MAN1A2: variants seen among roughly 807,000 people sequenced by gnomAD.
MAN1A2 encodes mannosidase alpha class 1A member 2.
In MAN1A2, 26 loss-of-function variants were observed where a neutral mutation model predicts 75.7. The observed-to-expected ratio is 0.34, with a 90% CI of 0.25 to 0.48. MAN1A2 has a LOEUF of 0.48. Among genes scored for constraint, MAN1A2 ranks in the 20% least tolerant of loss-of-function variants. The pLI is 0.99. For missense variants in MAN1A2, 562 were observed against 775.5 expected (o/e 0.72, Z 3.27); for synonymous variants, 247 against 264.6 (o/e 0.93, Z 0.65).
intron 5 of MAN1A2, among the ~76,000 whole-genome samples, chr1:117,441,041 A>T (rs1245784152): frequency 6.6e-6 from 1 of 152,210 alleles, no homozygotes; most frequent in African/African-American, 2.4e-5. Flanking sequence ...TAAAGTAGAT[A>T]TTGAAGGAAA....
chr1:117,498,162 G>A (rs566808779), intron 10 of MAN1A2, among the ~76,000 whole-genome samples: 4 of 151,848 alleles, frequency 2.6e-5, no homozygotes, highest in South Asian at 4.2e-4. Context: ...TAATGGCAGC[G>A]ATCTGAGTTC....
At chr1:117,379,730 A>G (rs372417171) in intron 1 of MAN1A2, among the ~76,000 whole-genome samples, 1 of 152,136 alleles carries the variant, frequency 6.6e-6, no homozygotes, top group African/African-American at 2.4e-5. Flanking sequence ...GTATCATGCA[A>G]TCTAAGACCT....
At position 117,525,449 on chromosome 1, in the gene MAN1A2, TCTTTA is replaced by T. The variant is rs756033884; in HGVS notation, c.*2497_*2501del. On this transcript the variant is annotated 3_prime_UTR_variant, in exon 13 of 13. Coordinates refer to ENST00000356554, the MANE Select transcript of MAN1A2 (RefSeq NM_006699.5). The stretch of plus-strand genomic sequence containing the variant: ...TATAATGCTTAGCTTCCAAGAATAT[TCTTTA>T]CTTTCTTCTGTCTTTTACAGCTCTT... The T allele has an allele frequency of 3.9e-5, 7 of 178,870 alleles. No individual in the cohort carries two copies. The highest frequency in any genetic ancestry group is 8.4e-5 in the Non-Finnish European group (7 of 82,848). The allele number at this position is 178,870 out of a possible 1,614,324, so 11.1% of individuals were successfully genotyped here.
intron 12 of MAN1A2, among the ~76,000 whole-genome samples, chr1:117,516,560 A>G (rs1468952576): frequency 1.3e-5 from 2 of 152,146 alleles, no homozygotes; most frequent in African/African-American, 2.4e-5. Flanking sequence ...TGCTTACTCT[A>G]AAGATGGAAC....
chr1:117,435,960 A>C (rs1460597036), intron 5 of MAN1A2, among the ~76,000 whole-genome samples: 3 of 152,242 alleles, frequency 2.0e-5, no homozygotes, highest in African/African-American at 7.2e-5. Flanking sequence ...CGGGAAGCTG[A>C]GGCAGGAGAA....
chr1:117,485,644 G>A (rs1012290088), intron 8 of MAN1A2, among the ~76,000 whole-genome samples: 4 of 151,900 alleles, frequency 2.6e-5, no homozygotes, highest in Non-Finnish European at 5.9e-5. Context: ...ATTCAAGGTC[G>A]TTATGTGGAA....
At chr1:117,432,457 A>T (rs967288812) in intron 5 of MAN1A2, among the ~76,000 whole-genome samples, 2 of 152,258 alleles carry the variant, frequency 1.3e-5, no homozygotes, top group African/African-American at 4.8e-5. Flanking sequence ...CTATCATTGC[A>T]GATTCCACAT....
At chr1:117,373,149 GT>G (rs59450083) in intron 1 of MAN1A2, among the ~76,000 whole-genome samples, 4 of 147,522 alleles carry the variant, frequency 2.7e-5, no homozygotes, top group Admixed American at 6.8e-5. Flanking sequence ...TATGATTCGT[GT>G]TTTTTTTTTG....
intron 6 of MAN1A2, among the ~76,000 whole-genome samples, chr1:117,447,799 G>T (rs991396475): frequency 6.6e-5 from 10 of 151,928 alleles, no homozygotes; most frequent in Non-Finnish European, 1.2e-4. Context: ...TTAGTACTTT[G>T]TCATATAAAT....
intron 8 of MAN1A2, among the ~76,000 whole-genome samples, chr1:117,470,571 ATATAT>A (rs1650117769): frequency 6.6e-6 from 1 of 152,038 alleles, no homozygotes; most frequent in South Asian, 2.1e-4. Context: ...TTACTTTATA[ATATAT>A]TCACTCTCAG....
At chr1:117,430,037 C>A (rs1353799398) in intron 5 of MAN1A2, among the ~76,000 whole-genome samples, 1 of 42,122 alleles carries the variant, frequency 2.4e-5, no homozygotes, top group Non-Finnish European at 4.9e-5. Context: ...GGGGGCTGAC[C>A]CCCCCACCTC....
intron 8 of MAN1A2, among the ~76,000 whole-genome samples, chr1:117,490,186 G>A (rs1650835340): frequency 6.6e-6 from 1 of 151,902 alleles, no homozygotes; most frequent in African/African-American, 2.4e-5. Flanking sequence ...CACAGATATT[G>A]CAGGGTTTGG....
chr1:117,520,195 G>A (rs1557983041), intron 12 of MAN1A2, among the ~76,000 whole-genome samples: 2 of 152,044 alleles, frequency 1.3e-5, no homozygotes, highest in Admixed American at 6.6e-5. Flanking sequence ...AACCAACTGT[G>A]ACAAACCCAC....
intron 5 of MAN1A2, among the ~76,000 whole-genome samples, chr1:117,422,984 A>G (rs1419282528): frequency 6.6e-6 from 1 of 152,172 alleles, no homozygotes; most frequent in African/African-American, 2.4e-5. Flanking sequence ...ATGTTTGCCT[A>G]ATCCAACATC....
chr1:117,448,190 C>T (rs565791472), intron 6 of MAN1A2, among the ~76,000 whole-genome samples: 48 of 152,130 alleles, frequency 3.2e-4, no homozygotes, highest in Admixed American at 6.6e-4. Context: ...CAATTCTGAA[C>T]GGGAGCTTAT....
At chr1:117,522,135 C>T (rs1651886111) in intron 12 of MAN1A2, among the ~76,000 whole-genome samples, 1 of 151,786 alleles carries the variant, frequency 6.6e-6, no homozygotes, top group Non-Finnish European at 1.5e-5. Flanking sequence ...TGCTAAAGAA[C>T]TTACTCATGT....
At chr1:117,470,685 G>T (rs1650121585) in intron 8 of MAN1A2, among the ~76,000 whole-genome samples, 1 of 151,914 alleles carries the variant, frequency 6.6e-6, no homozygotes, top group Non-Finnish European at 1.5e-5. Flanking sequence ...CCTTTTAGCA[G>T]CTGTAGTCCT....
intron 12 of MAN1A2, among the ~76,000 whole-genome samples, chr1:117,513,499 CAT>C (rs1651609055): frequency 2.0e-5 from 3 of 151,910 alleles, no homozygotes; most frequent in Non-Finnish European, 1.5e-5. Flanking sequence ...GTCCGTTAAT[CAT>C]GTGTTTTTGA....
chr1:117,482,901 T>G (rs1650544745), intron 8 of MAN1A2, among the ~76,000 whole-genome samples: 1 of 152,154 alleles, frequency 6.6e-6, no homozygotes, highest in Non-Finnish European at 1.5e-5. Context: ...TAATCTATCT[T>G]GAATTAATTT....
Sources: allele counts gnomAD v4.1 joint callset (sites outside exome capture counted in the v4.1 genomes callset), GRCh38; gene constraint gnomAD v4.1.1; transcripts MANE v1.5; gene names NCBI Gene and HGNC (gene_info 2026-07-23, HGNC 2026-07-21).